The following NPFFR2 variants were observed in gnomAD, a reference collection of about 807,000 sequenced individuals.
NPFFR2 encodes neuropeptide FF receptor 2.
In NPFFR2, 15 loss-of-function variants were observed where a neutral mutation model predicts 13.1. The ratio of observed to expected loss-of-function variants is 1.15; its 90% CI spans 0.77 to 1.76. NPFFR2 has a LOEUF of 1.76. Ranked by LOEUF, NPFFR2 falls within the 40% of genes most tolerant of loss-of-function variation. NPFFR2 has a pLI of 0.00. For missense variants in NPFFR2, 572 were observed against 503.5 expected, an observed-to-expected ratio of 1.14 and a Z score of -1.30; for synonymous variants, 190 against 175.7, an observed-to-expected ratio of 1.08 and a Z score of -0.65.
intron 1 of NPFFR2, among the ~76,000 whole-genome samples, chr4:72,111,152 C>A (rs76858187): frequency 0.018 from 2,717 of 151,760 alleles, 87 homozygotes; most frequent in African/African-American, 0.062. Context: ...GTCCTTAACT[C>A]CTCTTTAATT....
chr4:72,066,441 T>G (rs1186456991), intron 1 of NPFFR2, among the ~76,000 whole-genome samples: 1 of 152,122 alleles, frequency 6.6e-6, no homozygotes, highest in Non-Finnish European at 1.5e-5. Flanking sequence ...GCCCCTAAAG[T>G]ATTAACTATT....
Position 72,147,675 on chromosome 4 carries a change from T to C in NPFFR2, c.1126T>C (p.Ser376Pro), listed in dbSNP as rs1383544396. 2 of 1,614,102 alleles carry C rather than the reference T, an allele frequency of 1.2e-6. No homozygotes were observed. The highest frequency in any genetic ancestry group is 1.1e-5 in the South Asian group (1 of 91,074). The part of the protein sequence containing the change: ...KAKSHVLINT[S>P]NQLVQESTFQ... The stretch of plus-strand genomic sequence containing the variant: ...TAAAAGCCATGTGCTCATAAACACA[T>C]CTAATCAGCTTGTCCAGGAATCTAC... The change falls in exon 4 of 4, where the codon TCT becomes CCT. Residue 376 changes from serine to proline, a missense_variant. Ser to Pro is a moderately conservative substitution (Grantham distance 74, BLOSUM62 -1). Coordinates refer to ENST00000308744, the MANE Select transcript of NPFFR2 (RefSeq NM_004885.3).
At chr4:72,116,028 A>T (rs1285611033) in intron 1 of NPFFR2, among the ~76,000 whole-genome samples, 2 of 152,286 alleles carry the variant, frequency 1.3e-5, no homozygotes, top group Admixed American at 6.5e-5. Flanking sequence ...ACATTGATTT[A>T]TACATTTATT....
At chr4:72,118,597 C>G (rs569040000) in intron 1 of NPFFR2, among the ~76,000 whole-genome samples, 2 of 151,954 alleles carry the variant, frequency 1.3e-5, no homozygotes, top group African/African-American at 4.8e-5. Flanking sequence ...AAGACATGCA[C>G]GTACCTTTAA....
At chr4:72,099,869 TCACA>T (rs145429774) in intron 1 of NPFFR2, among the ~76,000 whole-genome samples, 43 of 152,112 alleles carry the variant, frequency 2.8e-4, no homozygotes, top group African/African-American at 1.0e-3. Flanking sequence ...TGTGTATGTG[TCACA>T]CACACACAGA....
At chr4:72,103,607 T>C (rs6817122) in intron 1 of NPFFR2, among the ~76,000 whole-genome samples, 143,570 of 152,148 alleles carry the variant, frequency 0.94, 68,232 homozygotes, top group East Asian at 1. Flanking sequence ...TTCATTGGAG[T>C]CCAATATTGC....
At chr4:72,033,299 G>A (rs376999381) in intron 1 of NPFFR2, among the ~76,000 whole-genome samples, 5 of 152,300 alleles carry the variant, frequency 3.3e-5, no homozygotes, top group African/African-American at 9.6e-5. Flanking sequence ...GCAATTGTAT[G>A]CAGAGTTCAA....
chr4:72,075,541 A>G (rs1475723085), intron 1 of NPFFR2, among the ~76,000 whole-genome samples: 1 of 152,142 alleles, frequency 6.6e-6, no homozygotes, highest in African/African-American at 2.4e-5. Flanking sequence ...CAGAATTATA[A>G]CTAAGGAAAC....
intron 1 of NPFFR2, among the ~76,000 whole-genome samples, chr4:72,079,764 A>G (rs560335968): frequency 7.9e-5 from 12 of 152,298 alleles, no homozygotes; most frequent in Admixed American, 2.0e-4. Flanking sequence ...TCAGTGTACA[A>G]ACAACCCAGA....
At chr4:72,086,897 A>C (rs1720787232) in intron 1 of NPFFR2, among the ~76,000 whole-genome samples, 2 of 152,078 alleles carry the variant, frequency 1.3e-5, no homozygotes, top group African/African-American at 4.8e-5. Context: ...TATTTCCTAG[A>C]TTACTGAACT....
intron 1 of NPFFR2, among the ~76,000 whole-genome samples, chr4:72,075,742 T>C (rs968120030): frequency 9.2e-5 from 14 of 152,042 alleles, no homozygotes; most frequent in African/African-American, 2.9e-4. Context: ...ACTGAAAGCA[T>C]AATGGAAATT....
chr4:72,039,098 GC>G, intron 1 of NPFFR2: 1 of 151,480 alleles, frequency 6.6e-6, no homozygotes, highest in East Asian at 2.0e-4. Flanking sequence ...TCGCTCTGTC[GC>G]CCAGGCTGGA....
intron 2 of NPFFR2, among the ~76,000 whole-genome samples, chr4:72,136,354 C>T (rs540057611): frequency 2.6e-5 from 4 of 152,058 alleles, no homozygotes; most frequent in Non-Finnish European, 5.9e-5. Flanking sequence ...TGCACTCCAC[C>T]CTGTCTCAAA....
At chr4:72,123,030 GAGA>G (rs1226498425) in intron 1 of NPFFR2, among the ~76,000 whole-genome samples, 1 of 152,054 alleles carries the variant, frequency 6.6e-6, no homozygotes, top group Non-Finnish European at 1.5e-5. Context: ...GAAGAAAAGA[GAGA>G]AGAATCAAAT....
chr4:72,116,568 A>G lies in NPFFR2; in HGVS notation c.-7-12017A>G, dbSNP rs562341407. On this transcript the variant is annotated intron_variant, in intron 1 of 3. Transcript: ENST00000308744. ...GCACACGTACCCCTGAACCTAAAAT[A>G]AAAGTTGAAGTTAAAAAAGAAAAAA... Among the ~76,000 whole-genome samples the G allele has an allele frequency of 1.3e-3, 204 of 152,164 alleles. 2 individuals are homozygous for G. The highest frequency in any genetic ancestry group is 2.5e-3 in the Non-Finnish European group (173 of 68,034).
At position 72,079,053 on chromosome 4, in the gene NPFFR2, A is replaced by AACAC. The variant is rs59522916; in HGVS notation, c.-8+46885_-8+46888dup. ...ATGTGTTATAAAATGCATAGAACTA[A>AACAC]ACACACACACACACACACACACACA... is the stretch of plus-strand genomic sequence containing the variant. On this transcript the variant is annotated intron_variant, in intron 1 of 3. Transcript: ENST00000308744. Among the ~76,000 whole-genome samples the AACAC allele has an allele frequency of 9.5e-3, 1,322 of 139,186 alleles. 10 individuals carry two copies. The highest frequency in any genetic ancestry group is 0.018 in the African/African-American group (694 of 38,752). The allele number at this position is 139,186 out of a possible 152,430, so 91.3% of individuals were successfully genotyped here.
At chr4:72,125,790 A>G (rs1722026431) in intron 1 of NPFFR2, among the ~76,000 whole-genome samples, 1 of 152,200 alleles carries the variant, frequency 6.6e-6, no homozygotes, top group African/African-American at 2.4e-5. Flanking sequence ...CGATTACATT[A>G]AGCCCACCTA....
chr4:72,111,527 C>G (rs1034200030), intron 1 of NPFFR2, among the ~76,000 whole-genome samples: 1 of 151,998 alleles, frequency 6.6e-6, no homozygotes, highest in Non-Finnish European at 1.5e-5. Context: ...CCAGACAGCT[C>G]TGTTAATGGG....
chr4:72,041,678 A>G (rs367885703), intron 1 of NPFFR2, among the ~76,000 whole-genome samples: 5 of 152,262 alleles, frequency 3.3e-5, no homozygotes, highest in African/African-American at 9.6e-5. Flanking sequence ...TAGACTTTTT[A>G]GTAATAGCCA....
Sources: allele counts gnomAD v4.1 joint callset (sites outside exome capture counted in the v4.1 genomes callset), GRCh38; gene constraint gnomAD v4.1.1; transcripts MANE v1.5; gene names NCBI Gene and HGNC (gene_info 2026-07-23, HGNC 2026-07-21).